The following HPSE2 variants were observed in gnomAD, a reference collection of about 807,000 sequenced individuals.
HPSE2 encodes inactive heparanase-2.
Under a neutral mutation model 60.5 loss-of-function variants are expected in HPSE2, and 38 were observed. That is an observed-to-expected ratio of 0.63 (90% CI 0.48 to 0.82). The LOEUF (loss-of-function observed/expected upper bound fraction) is 0.82. Among genes scored for constraint, HPSE2 ranks in the 40% least tolerant of loss-of-function variants. HPSE2 has a pLI of 0.00. For synonymous variants in HPSE2, 295 were observed against 293.2 expected, an observed-to-expected ratio of 1.01 and a Z score of -0.06; for missense variants, 713 against 740.4, an observed-to-expected ratio of 0.96 and a Z score of 0.43.
chr10:99,238,606 G>T (rs1564916483), upstream of HPSE2, among the ~76,000 whole-genome samples: 2 of 152,188 alleles, frequency 1.3e-5, no homozygotes, highest in Non-Finnish European at 2.9e-5. Flanking sequence ...TCTCTAAGAT[G>T]ATTTGATTGT....
intron 3 of HPSE2, among the ~76,000 whole-genome samples, chr10:98,744,730 G>A (rs575152679): frequency 3.6e-4 from 55 of 152,206 alleles, no homozygotes; most frequent in African/African-American, 1.3e-3. Context: ...CAGACAATAT[G>A]GCACTGCTAG....
At chr10:99,103,141 G>C (rs1844083494) in intron 3 of HPSE2, among the ~76,000 whole-genome samples, 1 of 152,150 alleles carries the variant, frequency 6.6e-6, no homozygotes, top group Non-Finnish European at 1.5e-5. Context: ...AGGGCAATTA[G>C]GCAGGAGAAG....
In HPSE2 at chr10:98,941,036, C is replaced by T. The variant is rs575294203; in HGVS notation, c.611-196980G>A. Among the ~76,000 whole-genome samples, 60 of 134,082 alleles carry T rather than the reference C, an allele frequency of 4.5e-4. 11 individuals are homozygous for T. The highest frequency in any genetic ancestry group is 2.0e-3 in the African/African-American group (56 of 28,496). 88.0% of individuals were successfully genotyped at this position (134,082 alleles called of 152,430 possible). A position where few individuals can be genotyped will look rare whatever the true frequency, so the allele number is the denominator to read the frequency against. ...AGGCCTTTCACAAAATTCAACAACCCTTCATGCTAAAACTCTCAATAAATT... is the reference window on the plus strand; with the variant it reads ...AGGCCTTTCACAAAATTCAACAACCTTTCATGCTAAAACTCTCAATAAATT... On this transcript the variant is annotated intron_variant, in intron 3 of 11. Coordinates refer to ENST00000370552, the MANE Select transcript of HPSE2 (RefSeq NM_021828.5).
At chr10:98,810,522 C>T (rs1951145464) in intron 3 of HPSE2, among the ~76,000 whole-genome samples, 1 of 152,116 alleles carries the variant, frequency 6.6e-6, no homozygotes, top group African/African-American at 2.4e-5. Context: ...CTTCCCATTA[C>T]TGGCATTTAC....
intron 3 of HPSE2, among the ~76,000 whole-genome samples, chr10:99,074,671 A>G (rs1002738653): frequency 2.0e-5 from 3 of 152,132 alleles, no homozygotes; most frequent in Non-Finnish European, 2.9e-5. Context: ...TTCATCAGTG[A>G]AGCTACCTAG....
At chr10:99,142,726 T>C (rs570762687) in intron 3 of HPSE2, among the ~76,000 whole-genome samples, 5 of 152,280 alleles carry the variant, frequency 3.3e-5, no homozygotes, top group African/African-American at 1.2e-4. Flanking sequence ...TACTGAGAAT[T>C]AGAAAAGATT....
Position 98,557,055 on chromosome 10 carries a change from C to CA in HPSE2, c.1320+57848dup, listed in dbSNP as rs567871549. ...TGAAACCCTGTCTCTACTAAAAATA[C>CA]AAAAAAAATTAGCCGGGCATGGTGG... On this transcript the variant is annotated intron_variant, in intron 9 of 11. Coordinates refer to ENST00000370552, the MANE Select transcript of HPSE2 (RefSeq NM_021828.5). 1.9e-3 allele frequency among the ~76,000 whole-genome samples: 295 copies of CA among 151,432 alleles called. 1 individual carries two copies. The highest frequency in any genetic ancestry group is 6.1e-3 in the African/African-American group (252 of 41,278).
chr10:98,505,458 G>T (rs1257039284), intron 9 of HPSE2, among the ~76,000 whole-genome samples: 1 of 152,102 alleles, frequency 6.6e-6, no homozygotes, highest in African/African-American at 2.4e-5. Context: ...ATGCCCAGTT[G>T]TTTCCCAAAG....
intron 2 of HPSE2, among the ~76,000 whole-genome samples, chr10:99,165,692 G>A (rs1847051951): frequency 6.6e-6 from 1 of 151,926 alleles, no homozygotes. Context: ...GATTACAGAT[G>A]CGTGTCACCA....
chr10:98,685,102 T>A (rs1157604507), intron 6 of HPSE2, among the ~76,000 whole-genome samples: 6 of 152,168 alleles, frequency 3.9e-5, no homozygotes, highest in Admixed American at 6.6e-5. Context: ...TTACTGTACT[T>A]GTTTTTCATA....
intron 11 of HPSE2, among the ~76,000 whole-genome samples, chr10:98,475,792 G>A (rs1005182949): frequency 2.6e-5 from 4 of 152,164 alleles, no homozygotes; most frequent in African/African-American, 9.7e-5. Context: ...GCTTTTACTA[G>A]AATTCTGTGA....
At chr10:99,197,213 A>T (rs189348433) in intron 2 of HPSE2, among the ~76,000 whole-genome samples, 73 of 152,324 alleles carry the variant, frequency 4.8e-4, no homozygotes, top group Non-Finnish European at 7.2e-4. Flanking sequence ...GATTGTTACC[A>T]GAGGCTGGGA....
intron 3 of HPSE2, among the ~76,000 whole-genome samples, chr10:98,744,463 G>A (rs534519748): frequency 1.1e-4 from 16 of 152,114 alleles, no homozygotes; most frequent in African/African-American, 3.6e-4. Context: ...GGAAGCTGAG[G>A]TTGTGGTGAG....
At chr10:98,894,090 G>C (rs1953414664) in intron 3 of HPSE2, among the ~76,000 whole-genome samples, 1 of 152,096 alleles carries the variant, frequency 6.6e-6, no homozygotes, top group Non-Finnish European at 1.5e-5. Flanking sequence ...GGTATAACTG[G>C]AAAAATCATA....
chr10:98,477,135 C>T (rs1339809363), intron 11 of HPSE2, among the ~76,000 whole-genome samples: 1 of 152,174 alleles, frequency 6.6e-6, no homozygotes, highest in Non-Finnish European at 1.5e-5. Context: ...TCACTTAATA[C>T]TTTAAGACTC....
the HPSE2 span, among the ~76,000 whole-genome samples, chr10:99,265,031 TC>T: frequency 6.6e-6 from 1 of 152,222 alleles, no homozygotes; most frequent in East Asian, 1.9e-4. Context: ...AGCCATCATA[TC>T]CCCTGTGACC....
At chr10:99,216,339 C>T (rs970255311) in intron 2 of HPSE2, among the ~76,000 whole-genome samples, 3 of 151,948 alleles carry the variant, frequency 2.0e-5, no homozygotes, top group Admixed American at 1.3e-4. Context: ...GGATTACAAG[C>T]GCCTGCCACC....
intron 3 of HPSE2, among the ~76,000 whole-genome samples, chr10:98,935,264 A>T (rs1954755757): frequency 7.0e-6 from 1 of 142,788 alleles, no homozygotes; most frequent in African/African-American, 2.9e-5. Flanking sequence ...GTTATTACCC[A>T]CTTTCTAAAG....
chr10:98,617,661 A>G (rs1429657509), intron 8 of HPSE2, among the ~76,000 whole-genome samples: 1 of 152,182 alleles, frequency 6.6e-6, no homozygotes, highest in Non-Finnish European at 1.5e-5. Flanking sequence ...AGGGAAAGCA[A>G]TGGTCTTCCC....
Sources: allele counts gnomAD v4.1 joint callset (sites outside exome capture counted in the v4.1 genomes callset), GRCh38; gene constraint gnomAD v4.1.1; transcripts MANE v1.5; gene names NCBI Gene and HGNC (gene_info 2026-07-23, HGNC 2026-07-21).